Variants in PISD observed in about 807,000 individuals in gnomAD.
PISD encodes the protein phosphatidylserine decarboxylase, also known as phosphatidylserine decarboxylase proenzyme, mitochondrial.
PISD carries 31 observed loss-of-function variants against 43.5 expected under a neutral mutation model. The observed-to-expected ratio is 0.71, with a 90% CI of 0.54 to 0.96. The LOEUF (loss-of-function observed/expected upper bound fraction) is 0.96. Ranked by LOEUF, PISD falls within the 40% of genes least tolerant of loss-of-function variation. The pLI is 0.00. For synonymous variants in PISD, 259 were observed against 228.7 expected (o/e 1.13, Z -1.20); for missense variants, 523 against 548.4 (o/e 0.95, Z 0.46).
At chr22:31,652,812 G>C (rs1030755338) in intron 1 of PISD, among the ~76,000 whole-genome samples, 1 of 151,766 alleles carries the variant, frequency 6.6e-6, no homozygotes, top group African/African-American at 2.4e-5. Flanking sequence ...GCTGAGGTGG[G>C]AGGATTGCTT....
intron 3 of PISD, chr22:31,623,540 A>G: frequency 1.2e-6 from 1 of 854,230 alleles, no homozygotes; most frequent in Non-Finnish European, 1.8e-6. Flanking sequence ...TTGCCCACCA[A>G]TGAACCTTCC....
At chr22:31,625,635 A>G in intron 3 of PISD, 2 of 1,223,862 alleles carry the variant, frequency 1.6e-6, no homozygotes, top group Non-Finnish European at 2.3e-6. Flanking sequence ...AGGCTCCTCC[A>G]GCCTCGGGGG....
chr22:31,620,987 C>G lies in PISD; in HGVS notation c.844+9G>C. On this transcript the variant is annotated intron_variant, in intron 6 of 7. Transcript: ENST00000439502. ...GAGGCAGCTCCCCCCACGCTGGCCC[C>G]GGGCTGACCTGGGAAGTGGCGCCGG... 1 of 1,607,962 alleles carries G rather than the reference C, an allele frequency of 6.2e-7. No homozygotes were observed. The highest frequency in any genetic ancestry group is 1.1e-5 in the South Asian group (1 of 90,778).
Position 31,619,749 on chromosome 22 carries a change from T to TG in PISD, c.1092dup (p.Met365HisfsTer3). 1 of 1,614,214 alleles carries TG rather than the reference T, an allele frequency of 6.2e-7. No individual in the cohort carries two copies. The highest frequency in any genetic ancestry group is 1.6e-4 in the Middle Eastern group (1 of 6,062). Reference sequence around the variant, plus strand: ...TCGCCCAGGTGCTCGCCCTTACGCATGGGGACGCCCTCTCTATTGGTGTGC... The same window carrying TG: ...TCGCCCAGGTGCTCGCCCTTACGCATGGGGGACGCCCTCTCTATTGGTGTGC... On this transcript the variant is annotated frameshift_variant, in exon 8 of 8. Transcript: ENST00000439502. LOFTEE classifies it high-confidence loss of function.
chr22:31,647,644 G>A (rs5998067), intron 3 of PISD, among the ~76,000 whole-genome samples: 118,164 of 152,206 alleles, frequency 0.78, 47,001 homozygotes, highest in African/African-American at 0.94. Flanking sequence ...CGTGCATTCC[G>A]TAACAATGCA....
intron 7 of PISD, 121 bp from the exon 8 acceptor site, chr22:31,619,957 CAAAAG>C: frequency 4.4e-6 from 3 of 680,336 alleles, no homozygotes; most frequent in Non-Finnish European, 5.0e-6. Context: ...AACCCAGCTC[CAAAAG>C]GGAGGTGGGG....
At chr22:31,649,721 G>A (rs1304725403) in intron 2 of PISD, among the ~76,000 whole-genome samples, 1 of 152,042 alleles carries the variant, frequency 6.6e-6, no homozygotes, top group Non-Finnish European at 1.5e-5. Flanking sequence ...GACAGAGCGA[G>A]ACTCCATCTC....
intron 1 of PISD, among the ~76,000 whole-genome samples, chr22:31,652,066 T>G (rs1488117454): frequency 6.6e-6 from 1 of 152,244 alleles, no homozygotes; most frequent in Admixed American, 6.5e-5. Flanking sequence ...ATTGATATTT[T>G]TGTGAAAAAT....
chr22:31,644,101 G>A (rs1396120983), intron 3 of PISD, among the ~76,000 whole-genome samples: 2 of 151,888 alleles, frequency 1.3e-5, no homozygotes, highest in Non-Finnish European at 2.9e-5. Context: ...GGGAACATTA[G>A]GTAGGGCTCA....
chr22:31,624,650 G>A (rs1471951229), intron 3 of PISD, among the ~76,000 whole-genome samples: 1 of 132,876 alleles, frequency 7.5e-6, no homozygotes, highest in Non-Finnish European at 1.6e-5. Flanking sequence ...GGGCTGCACA[G>A]ACAGACACAC....
At chr22:31,623,637 C>T (rs1008276687) in intron 3 of PISD, 30 of 1,562,512 alleles carry the variant, frequency 1.9e-5, no homozygotes, top group African/African-American at 2.7e-5. Context: ...CAACCTCAGG[C>T]CTGCCCGGAA....
At chr22:31,636,082 T>C (rs1354746658) in intron 3 of PISD, among the ~76,000 whole-genome samples, 2 of 152,196 alleles carry the variant, frequency 1.3e-5, no homozygotes, top group Non-Finnish European at 2.9e-5. Context: ...ACACGTCCGA[T>C]ACTGCCCACT....
chr22:31,621,852 G>A lies in PISD; in HGVS notation c.355C>T (p.Leu119=). 6.2e-7 allele frequency: 1 copy of A among 1,611,112 alleles called. No homozygotes were observed. The highest frequency in any genetic ancestry group is 8.5e-7 in the Non-Finnish European group (1 of 1,180,018). The part of the protein sequence containing the change: ...ALYKSVPTRL[L]SRAWGRLNQV... ...TTGAGGCGACCCCAGGCCCGTGACA[G>A]CAAGCGCGTTGGCACTGACTTGTAC... is the stretch of plus-strand genomic sequence containing the variant. Residue 119 remains leucine, a synonymous_variant, in exon 4 of 8, where the codon CTG becomes TTG. Coordinates refer to ENST00000439502, the MANE Select transcript of PISD (RefSeq NM_001326411.2).
intron 1 of PISD, among the ~76,000 whole-genome samples, chr22:31,654,277 G>A (rs1182274208): frequency 6.6e-6 from 1 of 151,960 alleles, no homozygotes; most frequent in East Asian, 1.9e-4. Flanking sequence ...CTATTTCTCT[G>A]GTTTCTTCTC....
At chr22:31,655,076 CAAAAAA>C (rs1038608958) in intron 1 of PISD, among the ~76,000 whole-genome samples, 4 of 57,118 alleles carry the variant, frequency 7.0e-5, no homozygotes, top group East Asian at 1.0e-3. Flanking sequence ...ACTCTATCTC[CAAAAAA>C]AAAAAAAAAA....
At chr22:31,621,554 C>A in intron 4 of PISD, 82 bp from the exon 5 acceptor site, 3 of 1,601,288 alleles carry the variant, frequency 1.9e-6, no homozygotes, top group Non-Finnish European at 2.6e-6. Flanking sequence ...CCCTTGTCAT[C>A]CTGCCCCTTC....
At position 31,650,798 on chromosome 22, in the gene PISD, A is replaced by G; in HGVS notation, c.66-20T>C. On this transcript the variant is annotated intron_variant, in intron 1 of 7. Coordinates refer to ENST00000439502, the MANE Select transcript of PISD (RefSeq NM_001326411.2). ...TGGAGGCTATAACCAAGCAAAAATG[A>G]ACCATTAAATATTATTCTTAAAATT... 1 of 1,456,244 alleles carries G rather than the reference A, an allele frequency of 6.9e-7. No individual in the cohort carries two copies. Among genetic ancestry groups the G allele is most frequent in the African/African-American group, 1.4e-5 (1 of 70,962 alleles). The allele number at this position is 1,456,244 out of a possible 1,614,324, so 90.2% of individuals were successfully genotyped here.
At chr22:31,644,071 C>CA (rs1436322264) in intron 3 of PISD, among the ~76,000 whole-genome samples, 3 of 150,846 alleles carry the variant, frequency 2.0e-5, no homozygotes, top group Admixed American at 1.3e-4. Flanking sequence ...AAAACAAAAA[C>CA]AAAAAACTGT....
intron 1 of PISD, among the ~76,000 whole-genome samples, chr22:31,656,610 T>G (rs764551998): frequency 3.5e-4 from 53 of 151,874 alleles, no homozygotes; most frequent in Non-Finnish European, 6.2e-4. Context: ...GATCGCACAC[T>G]GCACTCCAGC....
Sources: gnomAD v4.1 joint callset for allele counts (sites outside exome capture counted in the v4.1 genomes callset) on GRCh38, gnomAD v4.1.1 for gene constraint, MANE v1.5 for transcripts, NCBI Gene and HGNC (gene_info 2026-07-23, HGNC 2026-07-21) for gene names.